Variants in DACH1 observed in about 807,000 individuals in gnomAD.
The protein encoded by DACH1 is dachshund homolog 1.
Under a neutral mutation model 54.2 loss-of-function variants are expected in DACH1, and 12 were observed. The ratio of observed to expected loss-of-function variants is 0.22; its 90% confidence interval spans 0.14 to 0.36. The LOEUF is 0.36. DACH1 is among the 10% of genes least tolerant of loss of function. The pLI, the probability that DACH1 is intolerant of heterozygous loss-of-function variation, is 1.00. For synonymous variants in DACH1, 386 were observed against 366.2 expected (o/e 1.05, Z -0.62); for missense variants, 805 against 929.8 (o/e 0.87, Z 1.75).
intron 1 of DACH1, among the ~76,000 whole-genome samples, chr13:71,735,171 CTCGTATATGGGATAT>C: frequency 6.7e-6 from 1 of 150,330 alleles, no homozygotes; most frequent in East Asian, 2.0e-4. Context: ...ATATGGGATA[CTCGTATATGGGATAT>C]ACGTATGTAT....
intron 6 of DACH1, among the ~76,000 whole-genome samples, chr13:71,526,981 T>C (rs1313676289): frequency 6.6e-6 from 1 of 151,762 alleles, no homozygotes; most frequent in Non-Finnish European, 1.5e-5. Context: ...TTATTTCTGT[T>C]ATTAATATCT....
chr13:71,531,189 G>A (rs894495574), intron 6 of DACH1, among the ~76,000 whole-genome samples: 8 of 151,784 alleles, frequency 5.3e-5, no homozygotes, highest in Non-Finnish European at 8.8e-5. Context: ...CTAACTTTTC[G>A]GGAAGAGTTA....
chr13:71,688,994 A>G (rs1881331445), intron 1 of DACH1, among the ~76,000 whole-genome samples: 1 of 152,208 alleles, frequency 6.6e-6, no homozygotes, highest in South Asian at 2.1e-4. Context: ...AATTTCCAAG[A>G]ATGGGGTAAC....
At chr13:71,704,889 C>T (rs1882356831) in intron 1 of DACH1, among the ~76,000 whole-genome samples, 1 of 151,896 alleles carries the variant, frequency 6.6e-6, no homozygotes, top group African/African-American at 2.4e-5. Flanking sequence ...CGGCCAGATA[C>T]TATTTATGAA....
intron 1 of DACH1, among the ~76,000 whole-genome samples, chr13:71,861,469 T>C (rs1210252944): frequency 6.6e-6 from 1 of 152,020 alleles, no homozygotes; most frequent in East Asian, 1.9e-4. Context: ...TGCAGTATAA[T>C]TTGACTGAAC....
intron 3 of DACH1, among the ~76,000 whole-genome samples, chr13:71,597,982 A>T (rs1418601213): frequency 6.6e-6 from 1 of 150,780 alleles, no homozygotes; most frequent in Non-Finnish European, 1.5e-5. Flanking sequence ...TGGGAGGCTG[A>T]GGTGGGAGGA....
intron 2 of DACH1, among the ~76,000 whole-genome samples, chr13:71,679,586 T>G (rs531865451): frequency 6.7e-6 from 1 of 149,482 alleles, no homozygotes; most frequent in East Asian, 1.9e-4. Flanking sequence ...ATTAAAATGG[T>G]TATTTAAAAA....
chr13:71,669,674 T>C (rs938432489), intron 2 of DACH1, among the ~76,000 whole-genome samples: 3 of 152,130 alleles, frequency 2.0e-5, no homozygotes, highest in South Asian at 2.1e-4. Context: ...CAAAGTCCTA[T>C]TGAGTAAGAA....
chr13:71,517,298 C>T lies in DACH1; in HGVS notation c.1571-28150G>A, dbSNP rs1006975064. Among the ~76,000 whole-genome samples the T allele has an allele frequency of 1.3e-5, 2 of 151,432 alleles. 1 individual carries two copies. Among genetic ancestry groups the T allele is most frequent in the African/African-American group, 4.9e-5 (2 of 41,220 alleles). ...TGGCTTCCACTAGGTTCTTAGCAAA[C>T]TACATCCCATAACATGAATCTACAC... On this transcript the variant is annotated intron_variant, in intron 6 of 10. Coordinates refer to ENST00000613252, the MANE Select transcript of DACH1 (RefSeq NM_080759.6).
At chr13:71,762,578 C>CAA (rs1885445117) in intron 1 of DACH1, among the ~76,000 whole-genome samples, 1 of 151,796 alleles carries the variant, frequency 6.6e-6, no homozygotes, top group Non-Finnish European at 1.5e-5. Context: ...ACCAGCCTGA[C>CAA]CAACATGGAG....
At chr13:71,463,495 T>C (rs1225100104) in intron 10 of DACH1, among the ~76,000 whole-genome samples, 1 of 151,958 alleles carries the variant, frequency 6.6e-6, no homozygotes. Context: ...ATTTAGTCAC[T>C]CACAGCCACT....
intron 10 of DACH1, among the ~76,000 whole-genome samples, chr13:71,460,415 A>C (rs1875972736): frequency 6.6e-6 from 1 of 152,088 alleles, no homozygotes; most frequent in Non-Finnish European, 1.5e-5. Context: ...GGAAATGTAG[A>C]AACTAAGCTA....
At chr13:71,811,795 A>G (rs1281907648) in intron 1 of DACH1, among the ~76,000 whole-genome samples, 1 of 152,204 alleles carries the variant, frequency 6.6e-6, no homozygotes, top group Non-Finnish European at 1.5e-5. Flanking sequence ...AATAATATCT[A>G]CATGTGAGGA....
At chr13:71,484,430 G>C (rs144070415) in intron 7 of DACH1, among the ~76,000 whole-genome samples, 112 of 152,222 alleles carry the variant, frequency 7.4e-4, no homozygotes, top group African/African-American at 2.5e-3. Flanking sequence ...GCCTCCCAAA[G>C]TGCTGGGATT....
rs549894084 is a variant in DACH1 at position 71,490,157 on chromosome 13, G to A, written c.1571-1009C>T. 1.1e-3 allele frequency among the ~76,000 whole-genome samples: 170 copies of A among 152,234 alleles called. 1 individual carries two copies. The highest frequency in any genetic ancestry group is 6.8e-3 in the Middle Eastern group (2 of 294). On this transcript the variant is annotated intron_variant, in intron 6 of 10. Transcript: ENST00000613252. ...TTAATCAGAGCAATGTATTTGCACA[G>A]TCCCGATAGTATCTCTCAATTTTGC...
intron 10 of DACH1, among the ~76,000 whole-genome samples, chr13:71,470,167 A>G (rs1394890404): frequency 6.6e-6 from 1 of 152,224 alleles, no homozygotes; most frequent in Non-Finnish European, 1.5e-5. Flanking sequence ...GGAAAATTGG[A>G]TCTAAGTATT....
At chr13:71,469,603 A>G (rs1876892972) in intron 10 of DACH1, among the ~76,000 whole-genome samples, 1 of 152,196 alleles carries the variant, frequency 6.6e-6, no homozygotes, top group African/African-American at 2.4e-5. Context: ...AAGTCATCCA[A>G]CCTCACTAAG....
intron 2 of DACH1, among the ~76,000 whole-genome samples, chr13:71,641,173 A>G (rs1348148874): frequency 2.0e-5 from 3 of 152,130 alleles, no homozygotes; most frequent in Non-Finnish European, 1.5e-5. Context: ...CTTCTGATAC[A>G]GTAAATAAAT....
intron 3 of DACH1, among the ~76,000 whole-genome samples, chr13:71,607,312 T>C (rs1175635484): frequency 1.3e-5 from 2 of 152,156 alleles, no homozygotes; most frequent in Admixed American, 6.6e-5. Context: ...AATTCATGTA[T>C]ACAGGCTTAT....
Sources: gnomAD v4.1 joint callset for allele counts (sites outside exome capture counted in the v4.1 genomes callset) on GRCh38, gnomAD v4.1.1 for gene constraint, MANE v1.5 for transcripts, NCBI Gene and HGNC (gene_info 2026-07-23, HGNC 2026-07-21) for gene names.